The following MAGI2 variants were observed in gnomAD, a reference collection of about 807,000 sequenced individuals.
The protein encoded by MAGI2 is membrane-associated guanylate kinase, WW and PDZ domain-containing protein 2.
Under a neutral mutation model 133.3 loss-of-function variants are expected in MAGI2, and 35 were observed. The ratio of observed to expected loss-of-function variants is 0.26; its 90% CI spans 0.20 to 0.35. MAGI2 has a LOEUF of 0.35. MAGI2 is among the 10% of genes least tolerant of loss of function. MAGI2 has a pLI of 1.00. For missense variants in MAGI2, 1,636 were observed against 1,863.4 expected, an observed-to-expected ratio of 0.88 and a Z score of 2.25; for synonymous variants, 729 against 710.6, an observed-to-expected ratio of 1.03 and a Z score of -0.41.
At position 78,623,289 on chromosome 7, in the gene MAGI2, TAA is replaced by T. The variant is rs538633874; in HGVS notation, c.538+3829_538+3830del. 1.6e-3 allele frequency among the ~76,000 whole-genome samples: 241 copies of T among 149,170 alleles called. 1 individual carries two copies. The highest frequency in any genetic ancestry group is 5.5e-3 in the African/African-American group (222 of 40,698). ...GTTAAGCCATTGGTTCATTCTTACA[TAA>T]GTGATATTTAAATAAGGTTGTAAAG... On this transcript the variant is annotated intron_variant, in intron 3 of 21. Transcript: ENST00000354212.
At chr7:78,628,274 T>G (rs1808583829) in intron 2 of MAGI2, among the ~76,000 whole-genome samples, 1 of 122,666 alleles carries the variant, frequency 8.2e-6, no homozygotes, top group South Asian at 2.8e-4. Flanking sequence ...GGAATTTACA[T>G]AATGCATACA....
intron 21 of MAGI2, among the ~76,000 whole-genome samples, chr7:78,035,454 A>G (rs1810107595): frequency 6.8e-6 from 1 of 147,184 alleles, no homozygotes; most frequent in South Asian, 2.2e-4. Context: ...CAGATTGAAC[A>G]AGCAGGTTTG....
Position 78,285,394 on chromosome 7 carries a change from C to A in MAGI2, c.1409-28813G>T, listed in dbSNP as rs1013306403. Among the ~76,000 whole-genome samples the A allele has an allele frequency of 2.0e-5, 3 of 151,730 alleles. No homozygotes were observed. In the East Asian group the frequency reaches 5.8e-4, roughly 29 times the overall value. The stretch of plus-strand genomic sequence containing the variant: ...AACAATTCAATTTTTTGAATGCTTC[C>A]TATTTGTGAGTAATTTTGCTAGTCA... On this transcript the variant is annotated intron_variant, in intron 9 of 21. Coordinates refer to ENST00000354212, the MANE Select transcript of MAGI2 (RefSeq NM_012301.4).
chr7:78,548,827 T>G (rs1482438882), intron 3 of MAGI2, among the ~76,000 whole-genome samples: 5 of 152,234 alleles, frequency 3.3e-5, no homozygotes, highest in Non-Finnish European at 1.5e-5. Flanking sequence ...GGACAATTAT[T>G]TTTTCTTTGA....
intron 2 of MAGI2, among the ~76,000 whole-genome samples, chr7:78,728,365 A>AC (rs1270898109): frequency 2.0e-5 from 3 of 152,224 alleles, no homozygotes; most frequent in Non-Finnish European, 4.4e-5. Flanking sequence ...CATATGCTAT[A>AC]CCCGCATGAA....
intron 1 of MAGI2, among the ~76,000 whole-genome samples, chr7:79,342,624 TAGTA>T (rs555807944): frequency 1.2e-4 from 19 of 152,226 alleles, no homozygotes; most frequent in Non-Finnish European, 2.6e-4. Flanking sequence ...TCAATTCAGA[TAGTA>T]AGTACCACAT....
intron 1 of MAGI2, among the ~76,000 whole-genome samples, chr7:79,074,752 T>G (rs1248491738): frequency 1.3e-5 from 2 of 152,190 alleles, no homozygotes; most frequent in Non-Finnish European, 2.9e-5. Flanking sequence ...AAGTCAAACA[T>G]GCATGATGGG....
intron 1 of MAGI2, among the ~76,000 whole-genome samples, chr7:79,445,636 G>A (rs1848797346): frequency 6.6e-6 from 1 of 152,198 alleles, no homozygotes; most frequent in Non-Finnish European, 1.5e-5. Flanking sequence ...ACACCAGTTA[G>A]AATGGCAACC....
chr7:79,443,285 C>CGT (rs10600873), intron 1 of MAGI2, among the ~76,000 whole-genome samples: 6,308 of 139,192 alleles, frequency 0.045, 156 homozygotes, highest in Middle Eastern at 0.057. Flanking sequence ...TGTGTGTGTG[C>CGT]GTGTGTGTGT....
intron 6 of MAGI2, among the ~76,000 whole-genome samples, chr7:78,487,590 CA>C (rs1793169938): frequency 6.6e-6 from 1 of 151,974 alleles, no homozygotes; most frequent in African/African-American, 2.4e-5. Flanking sequence ...AAATGTTTGC[CA>C]ACCTGCACTA....
At chr7:78,732,794 T>TG (rs1821494526) in intron 2 of MAGI2, among the ~76,000 whole-genome samples, 1 of 108,178 alleles carries the variant, frequency 9.2e-6, no homozygotes, top group Admixed American at 9.6e-5. Context: ...ATTTGTGGAT[T>TG]TTTTGTATTT....
intron 1 of MAGI2, among the ~76,000 whole-genome samples, chr7:79,288,296 T>C (rs1473601296): frequency 6.6e-6 from 1 of 152,148 alleles, no homozygotes; most frequent in Admixed American, 6.6e-5. Flanking sequence ...TGTTGGAGGA[T>C]TAAATGAGAT....
chr7:78,346,984 A>T (rs1006230991), intron 7 of MAGI2, among the ~76,000 whole-genome samples: 2 of 152,230 alleles, frequency 1.3e-5, no homozygotes, highest in Non-Finnish European at 2.9e-5. Context: ...GTGAAGTTTC[A>T]TAACAACCCA....
chr7:79,131,125 C>T (rs891225069), intron 1 of MAGI2, among the ~76,000 whole-genome samples: 4 of 152,136 alleles, frequency 2.6e-5, no homozygotes, highest in African/African-American at 9.7e-5. Flanking sequence ...ACAAAGTCTT[C>T]ATAGAGGAGG....
rs140574249 is a variant in MAGI2 at position 78,304,308 on chromosome 7, C to T, written c.1408+39470G>A. Among the ~76,000 whole-genome samples, 257 of 152,314 alleles carry T rather than the reference C, an allele frequency of 1.7e-3. 5 individuals carry two copies. The East Asian group carries it at 0.048, about 28-fold the overall frequency. ...TTCTGACATAATCTCCTATCACTCT[C>T]CTTAGCTCTTGCCACTCCAGCCAAG... is the stretch of plus-strand genomic sequence containing the variant. On this transcript the variant is annotated intron_variant, in intron 9 of 21. Coordinates refer to ENST00000354212, the MANE Select transcript of MAGI2 (RefSeq NM_012301.4).
intron 1 of MAGI2, among the ~76,000 whole-genome samples, chr7:79,032,556 A>G (rs1810707455): frequency 6.6e-6 from 1 of 151,504 alleles, no homozygotes; most frequent in Non-Finnish European, 1.5e-5. Flanking sequence ...CACATTACCC[A>G]TTATGAGAGT....
In MAGI2 at chr7:79,358,244, G is replaced by A. The variant is rs556780969; in HGVS notation, c.301+94776C>T. Among the ~76,000 whole-genome samples the A allele has an allele frequency of 2.0e-5, 3 of 152,066 alleles. No homozygotes were observed. The South Asian group carries it at 6.2e-4, about 32-fold the overall frequency. On this transcript the variant is annotated intron_variant, in intron 1 of 21. Coordinates refer to ENST00000354212, the MANE Select transcript of MAGI2 (RefSeq NM_012301.4). ...AGGTGAGAAAAAACAAGTGCAATGTGCATTTGATTAAATAAGGAATATTTT... is the reference window on the plus strand; with the variant it reads ...AGGTGAGAAAAAACAAGTGCAATGTACATTTGATTAAATAAGGAATATTTT...
At chr7:78,135,799 G>A (rs1398852901) in intron 16 of MAGI2, among the ~76,000 whole-genome samples, 1 of 152,176 alleles carries the variant, frequency 6.6e-6, no homozygotes, top group Admixed American at 6.5e-5. Context: ...TCCCACTCAT[G>A]TACTAAGCTA....
At chr7:78,215,806 T>G (rs1317436158) in intron 10 of MAGI2, among the ~76,000 whole-genome samples, 1 of 152,256 alleles carries the variant, frequency 6.6e-6, no homozygotes, top group Non-Finnish European at 1.5e-5. Context: ...AACATATCTC[T>G]AATGAAATAA....
Sources: allele counts gnomAD v4.1 joint callset (sites outside exome capture counted in the v4.1 genomes callset), GRCh38; gene constraint gnomAD v4.1.1; transcripts MANE v1.5; gene names NCBI Gene and HGNC (gene_info 2026-07-23, HGNC 2026-07-21).